SBF1: variants seen among roughly 807,000 people sequenced by gnomAD.
The protein encoded by SBF1 is myotubularin-related protein 5.
In SBF1, 65 loss-of-function variants were observed where a neutral mutation model predicts 215.8. The observed-to-expected ratio is 0.30, with a 90% CI of 0.25 to 0.37. The LOEUF (loss-of-function observed/expected upper bound fraction) is 0.37, where lower values mean the gene tolerates loss of function less well. SBF1 is among the 10% of genes least tolerant of loss of function. The probability of loss-of-function intolerance (pLI) is 1.00; values close to 1 mark genes in which losing one functional copy is unlikely to be tolerated. For missense variants in SBF1, 2,634 were observed against 2,667.8 expected (o/e 0.99, Z 0.28); for synonymous variants, 1,410 against 1,122.8 (o/e 1.26, Z -5.11).
chr22:50,449,625 AACACACACACACAC>A (rs59541336), intron 36 of SBF1, among the ~76,000 whole-genome samples: 25 of 146,960 alleles, frequency 1.7e-4, no homozygotes, highest in East Asian at 1.2e-3. Context: ...AAAACACACA[AACACACACACACAC>A]ACACACACAC....
chr22:50,459,880 C>T, intron 26 of SBF1, 72 bp downstream of exon 26: 1 of 1,547,668 alleles, frequency 6.5e-7, no homozygotes, highest in Non-Finnish European at 8.9e-7. Flanking sequence ...AGCCGTGGCC[C>T]AGGCCCACAG....
chr22:50,465,713 G>A (rs1232690952), intron 10 of SBF1, 50 bp downstream of exon 10: 1 of 1,515,102 alleles, frequency 6.6e-7, no homozygotes, highest in Non-Finnish European at 8.9e-7. Context: ...CCTGAGTGGG[G>A]GCAGCCTAAG....
At position 50,455,038 on chromosome 22, in the gene SBF1, A is replaced by G. The variant is rs370609486; in HGVS notation, c.4659T>C (p.Ser1553=). The G allele has an allele frequency of 9.3e-6, 15 of 1,614,024 alleles. No homozygotes were observed. In the African/African-American group the frequency reaches 1.5e-4, roughly 16 times the overall value. The change falls in exon 34 of 41, where the codon TCT becomes TCC. Residue 1553 remains serine (S), a synonymous_variant. Coordinates refer to ENST00000380817, the MANE Select transcript of SBF1 (RefSeq NM_002972.4). The stretch of plus-strand genomic sequence containing the variant: ...TACCCAGCTCAATGCGCTCATAGTC[A>G]GAGTCGAGCAGGAAGGTCCGGAAAC... ...SRRFRTFLLD[S]DYERIELGLL...
At chr22:50,456,958 G>T in intron 29 of SBF1, 76 bp downstream of exon 29, 6 of 1,207,258 alleles carry the variant, frequency 5.0e-6, no homozygotes, top group Middle Eastern at 2.0e-4. Context: ...ATTAGTGCCC[G>T]CAATAACTCA....
rs1345886236 is a variant in SBF1, at chr22:50,466,002, G to A, written c.970C>T (p.Pro324Ser). The A allele has an allele frequency of 1.2e-6, 2 of 1,613,880 alleles. No individual in the cohort carries two copies. The highest frequency in any genetic ancestry group is 1.7e-6 in the Non-Finnish European group (2 of 1,180,052). Residue 324 changes from proline to serine, a missense_variant, in exon 9 of 41, where the codon CCA becomes TCA. Coordinates refer to ENST00000380817, the MANE Select transcript of SBF1 (RefSeq NM_002972.4). The part of the protein sequence containing the change: ...IPECVHIPPL[P>S]EPLQSQTHSV... ...TGCGTCTGACTCTGCAGTGGCTCTG[G>A]CAAGGGTGGAATGTGCACACACTCA...
chr22:50,470,837 G>A (rs984137083), intron 1 of SBF1, among the ~76,000 whole-genome samples: 1 of 152,202 alleles, frequency 6.6e-6, no homozygotes. Flanking sequence ...GAACACAGCT[G>A]GCCCCTGGAA....
chr22:50,467,369 G>A lies in SBF1; in HGVS notation c.518C>T (p.Thr173Met), dbSNP rs1046180703. 10 of 1,614,016 alleles carry A rather than the reference G, an allele frequency of 6.2e-6. No individual in the cohort carries two copies. In the Admixed American group the frequency reaches 1.0e-4, roughly 16 times the overall value. Residue 173 changes from threonine to methionine, a missense_variant, in exon 5 of 41, where the codon ACG (threonine) becomes ATG (methionine). Physicochemically the swap from Thr to Met is moderately conservative, Grantham distance 81. Transcript: ENST00000380817. The stretch of plus-strand genomic sequence containing the variant: ...GCCCCCAGCCAGGGGCACAGTGCAC[G>A]TCAGCAGGTTCCCAATCACGTTCTC... ...CLENVIGNLL[T>M]CTVPLAGGSQ...
At position 50,466,726 on chromosome 22, in the gene SBF1, G is replaced by C. The variant is rs1184056588; in HGVS notation, c.550-16C>G. ...AGATCGTCCTCTGCAGCAAAAAAAG[G>C]ATCGGGGCTCAGTAGTTTGGCCAGA... On this transcript the variant is annotated splice_polypyrimidine_tract_variant and intron_variant, in intron 5 of 40. Transcript: ENST00000380817. The C allele has an allele frequency of 6.7e-7, 1 of 1,502,788 alleles. No homozygotes were observed. The highest frequency in any genetic ancestry group is 1.4e-5 in the African/African-American group (1 of 71,746). The allele number at this position is 1,502,788 out of a possible 1,614,324, so 93.1% of individuals were successfully genotyped here.
At chr22:50,450,717 C>G (rs1263678762) in intron 36 of SBF1, among the ~76,000 whole-genome samples, 1 of 152,056 alleles carries the variant, frequency 6.6e-6, no homozygotes, top group East Asian at 1.9e-4. Flanking sequence ...GGAGAGCTGC[C>G]CAAACAAAGC....
Position 50,462,118 on chromosome 22 carries a change from T to C in SBF1, c.2398A>G (p.Met800Val), listed in dbSNP as rs767903073. ...SASNSLVTNS[M>V]AGSVAESYDT... The stretch of plus-strand genomic sequence containing the variant: ...TAGCTCTCGGCCACACTGCCAGCCA[T>C]GCTGGGCCAGAGAAGAAACTGTGGG... The change falls in exon 20 of 41, where the codon ATG (methionine) becomes GTG (valine). Residue 800 changes from methionine to valine, a missense_variant and splice_region_variant. Physicochemically the swap from Met to Val is conservative, Grantham distance 21. Transcript: ENST00000380817. The C allele has an allele frequency of 5.6e-6, 9 of 1,613,044 alleles. No individual in the cohort carries two copies. Among genetic ancestry groups the C allele is most frequent in the South Asian group, 2.2e-5 (2 of 91,090 alleles).
chr22:50,460,218 C>T, intron 25 of SBF1, 54 bp downstream of exon 25: 2 of 1,602,418 alleles, frequency 1.2e-6, no homozygotes, highest in Non-Finnish European at 1.7e-6. Context: ...CTGATCCTCC[C>T]TGGCCAATGT....
chr22:50,447,275 C>T, intron 40 of SBF1, 35 bp from the exon 41 acceptor site: 2 of 1,613,516 alleles, frequency 1.2e-6, no homozygotes, highest in Non-Finnish European at 1.7e-6. Flanking sequence ...CCGCAGCCCC[C>T]ACACCGCAGA....
At position 50,459,584 on chromosome 22, in the gene SBF1, A is replaced by T. The variant is rs779333419; in HGVS notation, c.3574T>A (p.Phe1192Ile). ...RVSRCYRQNR[F>I]PVVCWRSGRS... Reference sequence around the variant, plus strand: ...CCGCTGCGCCAGCAGACCACGGGGAAGCGGTTCTGGCGGTAGCAGCGGGAC... The same window carrying T: ...CCGCTGCGCCAGCAGACCACGGGGATGCGGTTCTGGCGGTAGCAGCGGGAC... Residue 1192 changes from phenylalanine (F) to isoleucine (I), a missense_variant, in exon 27 of 41, where the codon TTC becomes ATC. Physicochemically the swap from Phe to Ile is conservative, Grantham distance 21 (BLOSUM62 0). Coordinates refer to ENST00000380817, the MANE Select transcript of SBF1 (RefSeq NM_002972.4). 1 of 1,609,636 alleles carries T rather than the reference A, an allele frequency of 6.2e-7. No individual in the cohort carries two copies. The highest frequency in any genetic ancestry group is 8.5e-7 in the Non-Finnish European group (1 of 1,179,020).
At position 50,454,548 on chromosome 22, in the gene SBF1, C is replaced by CG; in HGVS notation, c.5006dup (p.Arg1670AlafsTer5). 6.2e-7 allele frequency: 1 copy of CG among 1,611,128 alleles called. No homozygotes were observed. The highest frequency in any genetic ancestry group is 8.5e-7 in the Non-Finnish European group (1 of 1,179,888). On this transcript the variant is annotated frameshift_variant, in exon 36 of 41. Coordinates refer to ENST00000380817, the MANE Select transcript of SBF1 (RefSeq NM_002972.4). LOFTEE classifies it high-confidence loss of function. ...GTGAGATGGCGTCAGGCTGGGCCCG[C>CG]GGGCAGCTGTCGTAACAGGGCCACA... is the stretch of plus-strand genomic sequence containing the variant.
chr22:50,463,144 C>G lies in SBF1; in HGVS notation c.1899+139G>C, dbSNP rs2067592770. ...ACAATGGTTCTCTCCACCCTGTTCC[C>G]TGCAGACCGAGGACCCCTGCCCACT... On this transcript the variant is annotated intron_variant, in intron 16 of 40. Coordinates refer to ENST00000380817, the MANE Select transcript of SBF1 (RefSeq NM_002972.4). The G allele has an allele frequency of 8.8e-6, 11 of 1,248,614 alleles. No individual in the cohort carries two copies. In the South Asian group the frequency reaches 1.5e-4, roughly 17 times the overall value. The allele number at this position is 1,248,614 out of a possible 1,614,324, so 77.3% of individuals were successfully genotyped here.
In SBF1 at chr22:50,459,410, G is replaced by A. The variant is rs544858874; in HGVS notation, c.3689-18C>T. Reference sequence around the variant, plus strand: ...GGACTGGCCTGGGGGAGGACACGGAGCTGAGGGAGGGGAGGGTGAGATAGG... The same window carrying A: ...GGACTGGCCTGGGGGAGGACACGGAACTGAGGGAGGGGAGGGTGAGATAGG... On this transcript the variant is annotated intron_variant, in intron 27 of 40. Coordinates refer to ENST00000380817, the MANE Select transcript of SBF1 (RefSeq NM_002972.4). 1.2e-6 allele frequency: 2 copies of A among 1,612,062 alleles called. No homozygotes were observed. Among genetic ancestry groups the A allele is most frequent in the African/African-American group, 1.3e-5 (1 of 75,032 alleles).
chr22:50,456,453 G>GGCCCCCCCCCCCCCCCCCCCCCCC, intron 30 of SBF1, 39 bp downstream of exon 30: 1 of 1,520,054 alleles, frequency 6.6e-7, no homozygotes, highest in Non-Finnish European at 8.9e-7. Flanking sequence ...CCCCTGCCGA[G>GGCCCCCCCCCCCCCCCCCCCCCCC]CCCCCACCCT....
chr22:50,457,184 G>A (rs1161354259), intron 28 of SBF1, 73 bp from the exon 29 acceptor site: 1 of 1,239,760 alleles, frequency 8.1e-7, no homozygotes, highest in Non-Finnish European at 1.1e-6. Context: ...GGTGCCTACA[G>A]GTCAGAGGGT....
Position 50,467,833 on chromosome 22 carries a change from G to A in SBF1, c.232C>T (p.His78Tyr), listed in dbSNP as rs1329727209. The change falls in exon 3 of 41, where the codon CAC becomes TAC. Residue 78 changes from histidine (H) to tyrosine (Y), a missense_variant. Physicochemically the swap from His to Tyr is moderately conservative, Grantham distance 83. Transcript: ENST00000380817. ...CAGAAGGTCAAGCAGGCGCAGTAGT[G>A]GCGCTCGGAGTTGATGTCGGTGAGG... ...AVLTDINSER[H>Y]YCACLTFWEP... 1 of 1,614,010 alleles carries A rather than the reference G, an allele frequency of 6.2e-7. No homozygotes were observed. Among genetic ancestry groups the A allele is most frequent in the African/African-American group, 1.3e-5 (1 of 75,058 alleles).
Sources: allele counts gnomAD v4.1 joint callset (sites outside exome capture counted in the v4.1 genomes callset), GRCh38; gene constraint gnomAD v4.1.1; transcripts MANE v1.5; gene names NCBI Gene and HGNC (gene_info 2026-07-23, HGNC 2026-07-21).